The following COBLL1 variants were observed in gnomAD, a reference collection of about 807,000 sequenced individuals.
COBLL1 encodes the protein cordon-bleu WH2 repeat protein like 1.
A neutral mutation model predicts 94.8 loss-of-function variants in COBLL1; 50 were observed. The observed-to-expected ratio is 0.53, with a 90% CI of 0.42 to 0.67. The LOEUF is 0.67. Ranked by LOEUF, COBLL1 falls within the 30% of genes least tolerant of loss-of-function variation. The pLI is 0.00. For synonymous variants in COBLL1, 448 were observed against 473.8 expected (o/e 0.95, Z 0.71); for missense variants, 1,362 against 1,348.7 (o/e 1.01, Z -0.15).
chr2:164,687,372 C>T (rs1574407724), intron 13 of COBLL1: 1 of 759,338 alleles, frequency 1.3e-6, no homozygotes, highest in Non-Finnish European at 2.3e-6. Flanking sequence ...TCTCAGCCAC[C>T]ATGTCTTCAA....
chr2:164,754,072 A>C (rs763770366), intron 2 of COBLL1, among the ~76,000 whole-genome samples: 2 of 152,142 alleles, frequency 1.3e-5, no homozygotes, highest in Non-Finnish European at 2.9e-5. Flanking sequence ...TGACATCTAA[A>C]TACAGATCGG....
chr2:164,840,311 A>G (rs916661646), intron 2 of COBLL1, among the ~76,000 whole-genome samples: 1 of 152,132 alleles, frequency 6.6e-6, no homozygotes, highest in Non-Finnish European at 1.5e-5. Context: ...CTTGTACTAC[A>G]TCAAACGAGT....
chr2:164,818,717 A>G lies in COBLL1; in HGVS notation c.41+22439T>C, dbSNP rs75769581. On this transcript the variant is annotated intron_variant, in intron 2 of 13. Coordinates refer to ENST00000652658, the MANE Select transcript of COBLL1 (RefSeq NM_001365672.2). ...ATGTACTTATGTAAACATATATAGTATATATATATGTACTTATGTAAACAT... is the reference window on the plus strand; with the variant it reads ...ATGTACTTATGTAAACATATATAGTGTATATATATGTACTTATGTAAACAT... Among the ~76,000 whole-genome samples, 497 of 80,086 alleles carry G rather than the reference A, an allele frequency of 6.2e-3. 6 individuals are homozygous for G. Among genetic ancestry groups the G allele is most frequent in the African/African-American group, 0.024 (429 of 17,920 alleles). The allele number at this position is 80,086 out of a possible 152,430, so 52.5% of individuals were successfully genotyped here.
chr2:164,693,661 G>T (rs1683738315), intron 12 of COBLL1, among the ~76,000 whole-genome samples: 1 of 151,930 alleles, frequency 6.6e-6, no homozygotes, highest in Admixed American at 6.6e-5. Context: ...ATAACAGTTT[G>T]GTCAACATAC....
In COBLL1 at chr2:164,730,004, T is replaced by C. The variant is rs1477527925; in HGVS notation, c.342A>G (p.Pro114=). The part of the protein sequence containing the change: ...SAEQNHIKFK[P]NTPIGMLEVE... ...CCTCCAACATTCCTATTGGTGTGTT[T>C]GGCTTAAATTTAATGTGGTTCTGTT... The change falls in exon 4 of 14, where the codon CCA becomes CCG. Residue 114 remains proline (P), a synonymous_variant. Coordinates refer to ENST00000652658, the MANE Select transcript of COBLL1 (RefSeq NM_001365672.2). The C allele has an allele frequency of 6.2e-7, 1 of 1,614,106 alleles. No homozygotes were observed. Among genetic ancestry groups the C allele is most frequent in the South Asian group, 1.1e-5 (1 of 91,080 alleles).
chr2:164,828,319 C>T lies in COBLL1; in HGVS notation c.41+12837G>A, dbSNP rs1029022628. Among the ~76,000 whole-genome samples the T allele has an allele frequency of 2.0e-5, 3 of 152,112 alleles. No homozygotes were observed. The East Asian group carries it at 5.8e-4, about 29-fold the overall frequency. On this transcript the variant is annotated intron_variant, in intron 2 of 13. Transcript: ENST00000652658. The stretch of plus-strand genomic sequence containing the variant: ...CAAAAGAAGGAATAAAGAATATGGC[C>T]TTTTCCTTTTAGGGTTTCACAACAA...
intron 1 of COBLL1, among the ~76,000 whole-genome samples, chr2:164,672,420 C>T (rs1368552789): frequency 6.6e-6 from 1 of 152,074 alleles, no homozygotes; most frequent in African/African-American, 2.4e-5. Flanking sequence ...CTTTGTAGGC[C>T]GGGCGCGGTG....
chr2:164,687,643 G>T, intron 13 of COBLL1: 1 of 931,504 alleles, frequency 1.1e-6, no homozygotes, highest in South Asian at 1.3e-5. Context: ...CATCTGAAAG[G>T]CCTATTATCA....
At chr2:164,788,738 CA>C (rs1683010795) in intron 2 of COBLL1, among the ~76,000 whole-genome samples, 1 of 151,726 alleles carries the variant, frequency 6.6e-6, no homozygotes, top group South Asian at 2.1e-4. Context: ...CCTGTAATCT[CA>C]GCACTCTGGC....
At chr2:164,666,139 GAAAAT>G (rs551992204) in intron 1 of COBLL1, among the ~76,000 whole-genome samples, 79 of 152,090 alleles carry the variant, frequency 5.2e-4, no homozygotes, top group East Asian at 5.0e-3. Context: ...ATGTCAATTA[GAAAAT>G]AAAATAAAAC....
chr2:164,717,710 T>C (rs767360522), intron 7 of COBLL1, among the ~76,000 whole-genome samples: 2 of 152,100 alleles, frequency 1.3e-5, no homozygotes, highest in Non-Finnish European at 2.9e-5. Context: ...CACACCAACA[T>C]GCCTGGCTGA....
chr2:164,696,195 TAA>T (rs200333271), intron 11 of COBLL1: 1 of 117,960 alleles, frequency 8.5e-6, no homozygotes. Flanking sequence ...AGAAGGTAAA[TAA>T]AGTTTTTACT....
Position 164,841,093 on chromosome 2 carries a change from G to C in COBLL1, c.41+63C>G. The C allele has an allele frequency of 8.2e-7, 1 of 1,225,178 alleles. No homozygotes were observed. Among genetic ancestry groups the C allele is most frequent in the Non-Finnish European group, 1.0e-6 (1 of 982,748 alleles). The allele number at this position is 1,225,178 out of a possible 1,614,324, so 75.9% of individuals were successfully genotyped here. ...TTGCCAGCCAGGTGAAACGGCCGAG[G>C]CCTCGCTGTCCTCGCCGGCCTCGCC... On this transcript the variant is annotated intron_variant, in intron 2 of 13. Transcript: ENST00000652658. The surrounding 1 kb of genome is among the most constrained non-coding windows in gnomAD (Gnocchi z 5.5).
intron 5 of COBLL1, chr2:164,723,765 T>C (rs1002198247): frequency 3.3e-5 from 5 of 152,278 alleles, no homozygotes; most frequent in Middle Eastern, 3.4e-3. Flanking sequence ...ACTTTTATTA[T>C]ACCTTTTTCT....
At chr2:164,770,195 T>C (rs553078694) in intron 2 of COBLL1, among the ~76,000 whole-genome samples, 5 of 152,142 alleles carry the variant, frequency 3.3e-5, no homozygotes, top group Non-Finnish European at 7.4e-5. Flanking sequence ...TCAAAACCCA[T>C]TTCTTTCTCC....
chr2:164,831,720 A>G (rs1183830281), intron 2 of COBLL1, among the ~76,000 whole-genome samples: 1 of 152,100 alleles, frequency 6.6e-6, no homozygotes, highest in Admixed American at 6.5e-5. Flanking sequence ...GCCACAGACC[A>G]GGAAATACAG....
At chr2:164,818,202 ATATG>A (rs1227115333) in intron 2 of COBLL1, among the ~76,000 whole-genome samples, 3 of 150,804 alleles carry the variant, frequency 2.0e-5, no homozygotes, top group Non-Finnish European at 3.0e-5. Flanking sequence ...GTATGTATAC[ATATG>A]TGTGTATATA....
chr2:164,797,649 C>T lies in COBLL1; in HGVS notation c.41+43507G>A, dbSNP rs116268413. On this transcript the variant is annotated intron_variant, in intron 2 of 13. Transcript: ENST00000652658. ...CATCCTTCATCAAAATGAGGTATAA[C>T]TGAAATACCATCTTGTTTTTTCAAG... 7.3e-3 allele frequency among the ~76,000 whole-genome samples: 1,110 copies of T among 152,234 alleles called. 22 individuals are homozygous for T. The highest frequency in any genetic ancestry group is 0.026 in the African/African-American group (1,066 of 41,518).
chr2:164,676,688 T>C (rs547043155), downstream of COBLL1, among the ~76,000 whole-genome samples: 557 of 149,488 alleles, frequency 3.7e-3, 4 homozygotes, highest in South Asian at 0.013. Context: ...TTTTTTTTTT[T>C]CCCCCCCTTT....
Sources: allele counts gnomAD v4.1 joint callset (sites outside exome capture counted in the v4.1 genomes callset), GRCh38; gene constraint gnomAD v4.1.1; non-coding constraint Gnocchi (gnomAD v3.1); transcripts MANE v1.5; gene names NCBI Gene and HGNC (gene_info 2026-07-23, HGNC 2026-07-21).